Variants in TAFA1 observed in about 807,000 individuals in gnomAD.
The protein encoded by TAFA1 is chemokine-like protein TAFA-1.
A neutral mutation model predicts 18.5 loss-of-function variants in TAFA1; 4 were observed. That is an observed-to-expected ratio of 0.22 (90% CI 0.11 to 0.49). TAFA1 has a LOEUF of 0.49. TAFA1 is among the 20% of genes least tolerant of loss of function. The pLI, the probability that TAFA1 is intolerant of heterozygous loss-of-function variation, is 0.98. For synonymous variants in TAFA1, 56 were observed against 55.2 expected (o/e 1.01, Z -0.06); for missense variants, 147 against 169.0 (o/e 0.87, Z 0.72).
chr3:68,080,833 A>G (rs140695561), intron 2 of TAFA1, among the ~76,000 whole-genome samples: 4,659 of 152,136 alleles, frequency 0.031, 253 homozygotes, highest in African/African-American at 0.11. Flanking sequence ...GGTGTTCTCT[A>G]TATTTCCTGA....
At chr3:68,528,529 T>C (rs984939426) in intron 3 of TAFA1, among the ~76,000 whole-genome samples, 7 of 152,292 alleles carry the variant, frequency 4.6e-5, no homozygotes, top group Middle Eastern at 3.4e-3. Context: ...AATAACACAC[T>C]GGGAGTCACT....
chr3:68,342,776 A>G (rs1435411435), intron 2 of TAFA1, among the ~76,000 whole-genome samples: 2 of 152,222 alleles, frequency 1.3e-5, no homozygotes, highest in East Asian at 1.9e-4. Flanking sequence ...GGCAAAGTCT[A>G]CATCCCTTGT....
At chr3:68,516,040 T>C (rs2072915548) in intron 3 of TAFA1, among the ~76,000 whole-genome samples, 1 of 152,242 alleles carries the variant, frequency 6.6e-6, no homozygotes. Context: ...GCAGATATAT[T>C]GGTCTCTGTT....
At chr3:68,078,122 G>T (rs1250397829) in intron 2 of TAFA1, among the ~76,000 whole-genome samples, 1 of 151,868 alleles carries the variant, frequency 6.6e-6, no homozygotes, top group African/African-American at 2.4e-5. Context: ...GTCTGTTGTT[G>T]GTGTATAAGA....
At chr3:68,342,186 C>T (rs1474106477) in intron 2 of TAFA1, among the ~76,000 whole-genome samples, 1 of 152,098 alleles carries the variant, frequency 6.6e-6, no homozygotes, top group African/African-American at 2.4e-5. Context: ...ACAAAGATAC[C>T]CCTGTCCTCC....
At chr3:68,419,416 G>A (rs2070913183) in intron 3 of TAFA1, among the ~76,000 whole-genome samples, 1 of 152,170 alleles carries the variant, frequency 6.6e-6, no homozygotes, top group African/African-American at 2.4e-5. Context: ...TGGCTTGAAT[G>A]ACTCTTCAGC....
chr3:68,187,482 G>T (rs970447654), intron 2 of TAFA1, among the ~76,000 whole-genome samples: 1 of 151,950 alleles, frequency 6.6e-6, no homozygotes, highest in Non-Finnish European at 1.5e-5. Flanking sequence ...GGCTTCACTT[G>T]TTCAACAGCA....
At chr3:68,035,679 A>C (rs1705031333) in intron 2 of TAFA1, among the ~76,000 whole-genome samples, 1 of 152,236 alleles carries the variant, frequency 6.6e-6, no homozygotes, top group Non-Finnish European at 1.5e-5. Flanking sequence ...CCCACTTCTG[A>C]GTATTCGCCC....
intron 2 of TAFA1, among the ~76,000 whole-genome samples, chr3:68,159,774 G>A (rs1036496155): frequency 6.6e-6 from 1 of 152,086 alleles, no homozygotes; most frequent in Non-Finnish European, 1.5e-5. Context: ...TTATGCCCAC[G>A]AAGACACCAG....
chr3:68,063,312 G>A (rs1247520224), intron 2 of TAFA1, among the ~76,000 whole-genome samples: 1 of 152,170 alleles, frequency 6.6e-6, no homozygotes, highest in Non-Finnish European at 1.5e-5. Flanking sequence ...CCCTTCTTGA[G>A]CTAACGGTGG....
rs149502222 is a variant in TAFA1 at position 68,151,773 on chromosome 3, A to G, written c.118+145029A>G. Among the ~76,000 whole-genome samples, 56 of 152,316 alleles carry G rather than the reference A, an allele frequency of 3.7e-4. 1 individual carries two copies. In the East Asian group the frequency reaches 5.2e-3, roughly 14 times the overall value. On this transcript the variant is annotated intron_variant, in intron 2 of 4. Coordinates refer to ENST00000478136, the MANE Select transcript of TAFA1 (RefSeq NM_213609.4). ...CCGTTGCATTAGGGATTAAGTTTCC[A>G]TCACATGAACTTTGGGGAACACATT... is the stretch of plus-strand genomic sequence containing the variant.
At chr3:68,257,023 C>T (rs1266184850) in intron 2 of TAFA1, among the ~76,000 whole-genome samples, 2 of 152,098 alleles carry the variant, frequency 1.3e-5, no homozygotes, top group Non-Finnish European at 2.9e-5. Context: ...CAAGCTCTTG[C>T]CTCCTTTCCA....
intron 2 of TAFA1, among the ~76,000 whole-genome samples, chr3:68,166,568 G>T (rs1462924335): frequency 6.6e-6 from 1 of 152,130 alleles, no homozygotes; most frequent in African/African-American, 2.4e-5. Context: ...GAAGACTGCA[G>T]CACAATTCGT....
At chr3:68,479,737 C>G (rs1442882584) in intron 3 of TAFA1, among the ~76,000 whole-genome samples, 1 of 152,074 alleles carries the variant, frequency 6.6e-6, no homozygotes, top group Non-Finnish European at 1.5e-5. Flanking sequence ...GGCTGTGATA[C>G]CAGCTTCATT....
At chr3:67,994,793 C>A in the TAFA1 span, among the ~76,000 whole-genome samples, 2 of 152,062 alleles carry the variant, frequency 1.3e-5, no homozygotes, top group East Asian at 3.8e-4. Flanking sequence ...TTTAGAAGAT[C>A]CCTGAAAACT....
At position 68,327,050 on chromosome 3, in the gene TAFA1, A is replaced by G. The variant is rs372865370; in HGVS notation, c.119-90230A>G. 1.3e-4 allele frequency among the ~76,000 whole-genome samples: 20 copies of G among 152,280 alleles called. No homozygotes were observed. The East Asian group carries it at 1.7e-3, about 13-fold the overall frequency. On this transcript the variant is annotated intron_variant, in intron 2 of 4. Transcript: ENST00000478136. ...GGGTGGTTCTTTCCTGTGCTATTCT[A>G]GTGATAGTGAATAAGTCTTACAAGA...
chr3:68,031,717 T>G (rs1429168623), intron 2 of TAFA1, among the ~76,000 whole-genome samples: 1 of 152,178 alleles, frequency 6.6e-6, no homozygotes, highest in African/African-American at 2.4e-5. Flanking sequence ...AAATTTTGTT[T>G]AAAAAATTTT....
chr3:68,070,850 C>A (rs1178747409), intron 2 of TAFA1, among the ~76,000 whole-genome samples: 1 of 152,218 alleles, frequency 6.6e-6, no homozygotes. Flanking sequence ...TCACCTTCTC[C>A]AGTTCCCCAC....
intron 2 of TAFA1, among the ~76,000 whole-genome samples, chr3:68,242,949 CT>C: frequency 6.6e-6 from 1 of 152,128 alleles, no homozygotes; most frequent in Non-Finnish European, 1.5e-5. Flanking sequence ...CAACTTATCC[CT>C]GATGGATTAT....
Sources: gnomAD v4.1 joint callset for allele counts (sites outside exome capture counted in the v4.1 genomes callset) on GRCh38, gnomAD v4.1.1 for gene constraint, MANE v1.5 for transcripts, NCBI Gene and HGNC (gene_info 2026-07-23, HGNC 2026-07-21) for gene names.